Variants in DDX31 observed in about 807,000 individuals in gnomAD.
The protein encoded by DDX31 is ATP-dependent DNA helicase DDX31.
DDX31 carries 70 observed loss-of-function variants against 91.3 expected under a neutral mutation model. That is an observed-to-expected ratio of 0.77 (90% confidence interval 0.63 to 0.94). The LOEUF (loss-of-function observed/expected upper bound fraction) is 0.94, where lower values mean the gene tolerates loss of function less well. DDX31 is among the 40% of genes least tolerant of loss of function. DDX31 has a pLI of 0.00. For missense variants in DDX31, 902 were observed against 925.0 expected (o/e 0.98, Z 0.32); for synonymous variants, 362 against 350.6 (o/e 1.03, Z -0.36).
intron 14 of DDX31, among the ~76,000 whole-genome samples, chr9:132,634,924 G>A (rs990140047): frequency 2.6e-5 from 4 of 152,080 alleles, no homozygotes; most frequent in African/African-American, 7.2e-5. Context: ...GGTAGGTCAC[G>A]CACTCCGTTG....
At chr9:132,611,626 A>G (rs570139998) in intron 19 of DDX31, among the ~76,000 whole-genome samples, 1 of 152,176 alleles carries the variant, frequency 6.6e-6, no homozygotes, top group East Asian at 1.9e-4. Flanking sequence ...TCTTGCCTTG[A>G]TGAGCGCTCA....
chr9:132,648,608 A>G, intron 9 of DDX31, 57 bp from the exon 10 acceptor site: 1 of 1,546,638 alleles, frequency 6.5e-7, no homozygotes, highest in Non-Finnish European at 8.7e-7. Context: ...ACGCCAGTAG[A>G]AAACACAGGA....
At position 132,647,027 on chromosome 9, in the gene DDX31, A is replaced by C; in HGVS notation, c.999T>G (p.His333Gln). 1.2e-6 allele frequency: 2 copies of C among 1,614,144 alleles called. No homozygotes were observed. Among genetic ancestry groups the C allele is most frequent in the Non-Finnish European group, 1.7e-6 (2 of 1,180,028 alleles). Residue 333 changes from histidine to glutamine, a missense_variant, in exon 12 of 20, where the codon CAT (histidine) becomes CAG (glutamine). His to Gln is a conservative substitution (Grantham distance 24, BLOSUM62 0). Transcript: ENST00000372159. The stretch of plus-strand genomic sequence containing the variant: ...CCAGGACAGAAATACTGACTGGATC[A>C]TGCAAACTGATATCAGCTAGCCGCG... ...GVTRLADISL[H>Q]DPVSISVLDK...
rs1355026550 is a variant in DDX31 at position 132,628,371 on chromosome 9, C to T, written c.1631+1893G>A. On this transcript the variant is annotated intron_variant, in intron 16 of 19. Transcript: ENST00000372159. ...AGGTGGCGTTATCACTGAGTTGTCTCCTTTCTAATGCGGGATTAAAAAGGG... is the reference window on the plus strand; with the variant it reads ...AGGTGGCGTTATCACTGAGTTGTCTTCTTTCTAATGCGGGATTAAAAAGGG... Among the ~76,000 whole-genome samples the T allele has an allele frequency of 2.0e-5, 3 of 152,188 alleles. No homozygotes were observed. In the East Asian group the frequency reaches 5.8e-4, roughly 29 times the overall value.
At chr9:132,644,714 G>A (rs1329115696) in intron 13 of DDX31, among the ~76,000 whole-genome samples, 2 of 152,088 alleles carry the variant, frequency 1.3e-5, no homozygotes, top group Admixed American at 6.5e-5. Flanking sequence ...TGGTAAAAAC[G>A]GATTCACAGG....
At chr9:132,668,415 C>G (rs1835455272) in intron 1 of DDX31, among the ~76,000 whole-genome samples, 1 of 152,112 alleles carries the variant, frequency 6.6e-6, no homozygotes. Flanking sequence ...AGTCCTCATT[C>G]CTGAAACAAA....
intron 19 of DDX31, among the ~76,000 whole-genome samples, chr9:132,605,214 T>C (rs965923869): frequency 1.3e-5 from 2 of 152,222 alleles, no homozygotes; most frequent in African/African-American, 4.8e-5. Flanking sequence ...ATAGGACATT[T>C]TGGTTTCTAC....
intron 19 of DDX31, among the ~76,000 whole-genome samples, chr9:132,605,595 A>G (rs1181390230): frequency 6.6e-6 from 1 of 152,192 alleles, no homozygotes; most frequent in African/African-American, 2.4e-5. Flanking sequence ...GACGCTGACC[A>G]CACATACAAA....
rs1183666596 is a variant in DDX31, at chr9:132,625,757, A to C, written c.1632-12T>G. 1 of 1,611,044 alleles carries C rather than the reference A, an allele frequency of 6.2e-7. No homozygotes were observed. The highest frequency in any genetic ancestry group is 1.7e-4 in the Middle Eastern group (1 of 6,056). ...TAATCTCAGAAACGCTGTAAAAGGA[A>C]GGGCACAGCAAGGTAACTTTTTGCT... On this transcript the variant is annotated splice_polypyrimidine_tract_variant and intron_variant, in intron 16 of 19. Transcript: ENST00000372159.
chr9:132,594,679 A>G lies in DDX31; in HGVS notation c.*187T>C. 2 of 959,162 alleles carry G rather than the reference A, an allele frequency of 2.1e-6. No homozygotes were observed. The highest frequency in any genetic ancestry group is 3.1e-6 in the Non-Finnish European group (2 of 649,974). 59.4% of individuals were successfully genotyped at this position (959,162 alleles called of 1,614,324 possible). ...CTGGCTAGTCTCTACAGTGCCCCACACCACTGATTTCTATCAGGCTCCAGG... is the reference window on the plus strand; with the variant it reads ...CTGGCTAGTCTCTACAGTGCCCCACGCCACTGATTTCTATCAGGCTCCAGG... On this transcript the variant is annotated 3_prime_UTR_variant, in exon 20 of 20. Coordinates refer to ENST00000372159, the MANE Select transcript of DDX31 (RefSeq NM_022779.9).
At chr9:132,651,479 GAATAT>G (rs1834180648) in intron 7 of DDX31, among the ~76,000 whole-genome samples, 2 of 152,140 alleles carry the variant, frequency 1.3e-5, no homozygotes, top group South Asian at 4.2e-4. Context: ...GAAAGAGAAA[GAATAT>G]AATATGTACG....
intron 7 of DDX31, among the ~76,000 whole-genome samples, chr9:132,651,630 A>T (rs922739819): frequency 1.3e-5 from 2 of 152,246 alleles, no homozygotes; most frequent in Non-Finnish European, 2.9e-5. Flanking sequence ...TATATCAATA[A>T]AACAAAAGCA....
At chr9:132,669,176 T>C (rs1404544715) in intron 1 of DDX31, among the ~76,000 whole-genome samples, 2 of 152,126 alleles carry the variant, frequency 1.3e-5, no homozygotes, top group African/African-American at 4.8e-5. Flanking sequence ...TTAATCTCTT[T>C]AGGATTGGGA....
At chr9:132,625,561 G>T in intron 17 of DDX31, 103 bp downstream of exon 17, 2 of 816,402 alleles carry the variant, frequency 2.4e-6, no homozygotes, top group Non-Finnish European at 4.1e-6. Context: ...TAAAATAAAT[G>T]TATTGCTTGA....
intron 18 of DDX31, 57 bp from the exon 19 acceptor site, chr9:132,612,312 A>G: frequency 1.2e-6 from 2 of 1,604,106 alleles, no homozygotes; most frequent in African/African-American, 1.3e-5. Context: ...CCAAGCTCCA[A>G]AGTGCCCGGC....
chr9:132,659,562 A>AT (rs1311858246), intron 5 of DDX31, 148 bp downstream of exon 5: 1 of 669,322 alleles, frequency 1.5e-6, no homozygotes, highest in East Asian at 2.8e-5. Flanking sequence ...ATGTGAACAC[A>AT]TTCAGGGCTC....
At chr9:132,651,745 G>A (rs943292182) in intron 7 of DDX31, among the ~76,000 whole-genome samples, 11 of 152,164 alleles carry the variant, frequency 7.2e-5, no homozygotes, top group African/African-American at 2.4e-4. Context: ...CTTAAAGAAC[G>A]TATATACAGT....
chr9:132,643,381 A>T (rs1000102549), intron 13 of DDX31, among the ~76,000 whole-genome samples: 1 of 152,142 alleles, frequency 6.6e-6, no homozygotes, highest in Non-Finnish European at 1.5e-5. Flanking sequence ...AACTACTCAA[A>T]ATCTGGAAAA....
chr9:132,663,248 C>T, intron 1 of DDX31: 1 of 1,289,230 alleles, frequency 7.8e-7, no homozygotes, highest in Non-Finnish European at 1.0e-6. Flanking sequence ...CTGGATCTCT[C>T]TCATTCTCTC....
Sources: gnomAD v4.1 joint callset for allele counts (sites outside exome capture counted in the v4.1 genomes callset) on GRCh38, gnomAD v4.1.1 for gene constraint, MANE v1.5 for transcripts, NCBI Gene and HGNC (gene_info 2026-07-23, HGNC 2026-07-21) for gene names.